Variants in P3H2 observed in about 807,000 individuals in gnomAD.
The protein encoded by P3H2 is leprecan-like 1.
A neutral mutation model predicts 87.0 loss-of-function variants in P3H2; 80 were observed. That is an observed-to-expected ratio of 0.92 (90% CI 0.77 to 1.11). The LOEUF is 1.11. Among genes scored for constraint, P3H2 ranks in the 50% least tolerant of loss-of-function variants. P3H2 has a pLI of 0.00. For missense variants in P3H2, 1,001 were observed against 923.9 expected, an observed-to-expected ratio of 1.08 and a Z score of -1.08; for synonymous variants, 367 against 359.3, an observed-to-expected ratio of 1.02 and a Z score of -0.24.
intron 1 of P3H2, among the ~76,000 whole-genome samples, chr3:190,021,987 T>C (rs1724938318): frequency 7.4e-6 from 1 of 135,020 alleles, no homozygotes; most frequent in East Asian, 2.5e-4. Flanking sequence ...AAATATGTAA[T>C]GAATGTATAT....
At chr3:190,079,652 C>G (rs1393389233) in intron 1 of P3H2, among the ~76,000 whole-genome samples, 1 of 152,162 alleles carries the variant, frequency 6.6e-6, no homozygotes, top group East Asian at 1.9e-4. Context: ...TTTCCACCTT[C>G]TCAACAGAGT....
At chr3:189,996,540 A>C (rs1719592) in intron 1 of P3H2, among the ~76,000 whole-genome samples, 71,079 of 151,992 alleles carry the variant, frequency 0.47, 16,647 homozygotes, top group Admixed American at 0.48. Context: ...CTGGTGTTCT[A>C]TTGCACAGTA....
intron 1 of P3H2, among the ~76,000 whole-genome samples, chr3:189,996,490 CAA>C (rs1724055671): frequency 6.6e-6 from 1 of 152,036 alleles, no homozygotes; most frequent in African/African-American, 2.4e-5. Flanking sequence ...AGAGGTTGGT[CAA>C]AGAGTACAAA....
At chr3:190,038,403 A>G (rs1427796097) in intron 1 of P3H2, among the ~76,000 whole-genome samples, 1 of 150,986 alleles carries the variant, frequency 6.6e-6, no homozygotes, top group African/African-American at 2.4e-5. Context: ...AACACCAGAT[A>G]CACCCCTGCA....
intron 1 of P3H2, 98 bp from the exon 2 acceptor site, chr3:189,995,540 G>T: frequency 1.5e-5 from 16 of 1,090,050 alleles, no homozygotes; most frequent in African/African-American, 1.7e-5. Context: ...GTTTAAGAAT[G>T]AAACTAGGAG....
intron 1 of P3H2, among the ~76,000 whole-genome samples, chr3:190,097,661 T>G (rs1727628660): frequency 6.6e-6 from 1 of 152,206 alleles, no homozygotes; most frequent in South Asian, 2.1e-4. Context: ...TTATTGTTGT[T>G]GGATTGCTAC....
At chr3:190,044,081 T>C (rs974526193) in intron 1 of P3H2, among the ~76,000 whole-genome samples, 4 of 152,218 alleles carry the variant, frequency 2.6e-5, no homozygotes, top group East Asian at 3.8e-4. Context: ...TTAGTTAGCA[T>C]ATTGCACACC....
intron 1 of P3H2, among the ~76,000 whole-genome samples, chr3:190,065,444 G>C (rs943657851): frequency 2.0e-5 from 3 of 152,082 alleles, no homozygotes; most frequent in Admixed American, 6.6e-5. Flanking sequence ...AACACCTCTT[G>C]AACTTTATAT....
intron 1 of P3H2, among the ~76,000 whole-genome samples, chr3:190,092,829 G>T (rs368492403): frequency 6.6e-6 from 1 of 152,152 alleles, no homozygotes; most frequent in Non-Finnish European, 1.5e-5. Flanking sequence ...TTCTACATCC[G>T]CTCCTGTAGT....
At chr3:190,045,985 T>TGC (rs1725788969) in intron 1 of P3H2, among the ~76,000 whole-genome samples, 1 of 151,952 alleles carries the variant, frequency 6.6e-6, no homozygotes, top group Admixed American at 6.6e-5. Context: ...TAGCCAGCCG[T>TGC]GGTGGCGGGC....
chr3:189,974,169 T>C (rs1004746231), intron 9 of P3H2, 165 bp from the exon 10 acceptor site: 2 of 643,276 alleles, frequency 3.1e-6, no homozygotes, highest in African/African-American at 3.7e-5. Flanking sequence ...AAAAGAGATA[T>C]CTTTATTTAA....
chr3:189,961,461 G>A (rs16864907), intron 14 of P3H2, among the ~76,000 whole-genome samples: 8,939 of 152,014 alleles, frequency 0.059, 744 homozygotes, highest in East Asian at 0.31. Context: ...TAATAAGCAT[G>A]AGAATCGGCC....
intron 14 of P3H2, among the ~76,000 whole-genome samples, chr3:189,962,620 C>T (rs774783793): frequency 2.4e-4 from 37 of 152,152 alleles, no homozygotes; most frequent in African/African-American, 8.4e-4. Flanking sequence ...CCTCATAGTC[C>T]AGGACCTTGT....
At position 189,959,230 on chromosome 3, in the gene P3H2, C is replaced by CT. The variant is rs5855287; in HGVS notation, c.2035-1227dup. Among the ~76,000 whole-genome samples, 39 of 51,074 alleles carry CT rather than the reference C, an allele frequency of 7.6e-4. 1 individual carries two copies. The highest frequency in any genetic ancestry group is 2.9e-3 in the African/African-American group (18 of 6,174). The allele number at this position is 51,074 out of a possible 152,430, so 33.5% of individuals were successfully genotyped here. On this transcript the variant is annotated intron_variant, in intron 14 of 14. Coordinates refer to ENST00000319332, the MANE Select transcript of P3H2 (RefSeq NM_018192.4). ...AGAAGTTGCTTTACACCTGTCTCTT[C>CT]TTTTTTTTTTCTTTTATTTATTTAT... is the stretch of plus-strand genomic sequence containing the variant.
rs1291899476 is a variant in P3H2, at chr3:190,120,257, T to A, written c.475A>T (p.Ile159Phe). The A allele has an allele frequency of 6.2e-7, 1 of 1,610,588 alleles. No homozygotes were observed. Among genetic ancestry groups the A allele is most frequent in the Non-Finnish European group, 8.5e-7 (1 of 1,179,232 alleles). Residue 159 changes from isoleucine (I) to phenylalanine (F), a missense_variant, in exon 1 of 15, where the codon ATC becomes TTC. By Grantham distance (21) the Ile-to-Phe change is conservative. Transcript: ENST00000319332. ...GAGGAGCGCTCTGTGGGTACCTTGA[T>A]GTAGGCCCGCTGCAGGTAGTTGTAG... Reference protein sequence around the residue: ...VPYNYLQRAYIKLNQLEKAVE... With the variant: ...VPYNYLQRAYFKLNQLEKAVE...
chr3:189,966,025 AAG>A (rs1041476670), intron 13 of P3H2, among the ~76,000 whole-genome samples: 5 of 148,726 alleles, frequency 3.4e-5, no homozygotes, highest in African/African-American at 1.0e-4. Context: ...AAGAAAGAAA[AAG>A]AGAGAGAGAA....
chr3:190,109,424 C>A (rs535462774), intron 1 of P3H2, among the ~76,000 whole-genome samples: 1 of 152,264 alleles, frequency 6.6e-6, no homozygotes, highest in South Asian at 2.1e-4. Context: ...TGACACAGAG[C>A]TAACCCAAAG....
chr3:190,068,005 T>C (rs1726569565), intron 1 of P3H2, among the ~76,000 whole-genome samples: 1 of 152,094 alleles, frequency 6.6e-6, no homozygotes, highest in African/African-American at 2.4e-5. Context: ...TTTCATATGA[T>C]AACAATAAAA....
intron 3 of P3H2, among the ~76,000 whole-genome samples, chr3:189,990,717 G>A (rs952457647): frequency 5.3e-5 from 8 of 152,146 alleles, no homozygotes; most frequent in African/African-American, 1.9e-4. Context: ...GGACAATTTT[G>A]AAGCAGACAA....
Sources: allele counts gnomAD v4.1 joint callset (sites outside exome capture counted in the v4.1 genomes callset), GRCh38; gene constraint gnomAD v4.1.1; transcripts MANE v1.5; gene names NCBI Gene and HGNC (gene_info 2026-07-23, HGNC 2026-07-21).